Variants in LRFN2 observed in about 807,000 individuals in gnomAD.
The protein encoded by LRFN2 is leucine rich repeat and fibronectin type III domain containing 2.
A neutral mutation model predicts 37.3 loss-of-function variants in LRFN2; 18 were observed. The ratio of observed to expected loss-of-function variants is 0.48; its 90% CI spans 0.33 to 0.72. The LOEUF is 0.72. Ranked by LOEUF, LRFN2 falls within the 30% of genes least tolerant of loss-of-function variation. The pLI is 0.02. For synonymous variants in LRFN2, 556 were observed against 466.6 expected (o/e 1.19, Z -2.47); for missense variants, 1,006 against 1,060.7 (o/e 0.95, Z 0.72).
chr6:40,566,013 T>C (rs1297991452), intron 1 of LRFN2, among the ~76,000 whole-genome samples: 2 of 152,002 alleles, frequency 1.3e-5, no homozygotes, highest in East Asian at 3.9e-4. Context: ...ATCCAGAATC[T>C]ACAATGAACT....
chr6:40,446,916 A>C (rs1206036956), intron 1 of LRFN2, among the ~76,000 whole-genome samples: 1 of 145,428 alleles, frequency 6.9e-6, no homozygotes, highest in African/African-American at 2.6e-5. Context: ...TCTCCCTCAG[A>C]CTGGGGCTTC....
chr6:40,559,799 C>T lies in LRFN2; in HGVS notation c.-19+27142G>A, dbSNP rs189061339. 3.9e-4 allele frequency among the ~76,000 whole-genome samples: 60 copies of T among 152,300 alleles called. No individual in the cohort carries two copies. In the South Asian group the frequency reaches 6.2e-3, roughly 16 times the overall value. On this transcript the variant is annotated intron_variant, in intron 1 of 2. Coordinates refer to ENST00000338305, the MANE Select transcript of LRFN2 (RefSeq NM_020737.3). Reference sequence around the variant, plus strand: ...GGCATTTCATCCGCCCCCTCTGACTCCCCATCCTGGACGGGCTCCCCAGTC... The same window carrying T: ...GGCATTTCATCCGCCCCCTCTGACTTCCCATCCTGGACGGGCTCCCCAGTC...
intron 1 of LRFN2, among the ~76,000 whole-genome samples, chr6:40,508,529 T>C (rs1765604982): frequency 6.6e-6 from 1 of 152,182 alleles, no homozygotes; most frequent in Admixed American, 6.5e-5. Context: ...TCTCCAGCAG[T>C]ACAGACTCAG....
intron 2 of LRFN2, among the ~76,000 whole-genome samples, chr6:40,417,245 A>C (rs1475497025): frequency 6.6e-6 from 1 of 152,212 alleles, no homozygotes; most frequent in Non-Finnish European, 1.5e-5. Flanking sequence ...TGGTAAAAAT[A>C]TCTGGTGTTC....
At chr6:40,394,561 C>A (rs1762575628) in intron 2 of LRFN2, among the ~76,000 whole-genome samples, 1 of 152,158 alleles carries the variant, frequency 6.6e-6, no homozygotes. Flanking sequence ...AGTGGGCAAC[C>A]CCAGTGGCTG....
chr6:40,488,343 C>T lies in LRFN2; in HGVS notation c.-18-55212G>A, dbSNP rs556402764. On this transcript the variant is annotated intron_variant, in intron 1 of 2. Transcript: ENST00000338305. Reference sequence around the variant, plus strand: ...CTCTGCTGGCCACCTGCCTGGCCCCCCAACCCCCACCGCCATCCCCACCAT... The same window carrying T: ...CTCTGCTGGCCACCTGCCTGGCCCCTCAACCCCCACCGCCATCCCCACCAT... Among the ~76,000 whole-genome samples the T allele has an allele frequency of 4.6e-5, 7 of 152,060 alleles. No homozygotes were observed. In the South Asian group the frequency reaches 1.5e-3, roughly 32 times the overall value.
At chr6:40,406,579 C>G (rs111335654) in intron 2 of LRFN2, among the ~76,000 whole-genome samples, 1 of 152,194 alleles carries the variant, frequency 6.6e-6, no homozygotes, top group African/African-American at 2.4e-5. Context: ...AGCAGGCCCA[C>G]CTGGCTGTCA....
intron 1 of LRFN2, among the ~76,000 whole-genome samples, chr6:40,565,381 C>T (rs1341857179): frequency 6.6e-6 from 1 of 152,162 alleles, no homozygotes; most frequent in African/African-American, 2.4e-5. Flanking sequence ...TTGGAAAAAA[C>T]TACTTTAAAG....
chr6:40,571,685 G>C (rs983232245), intron 1 of LRFN2, among the ~76,000 whole-genome samples: 3 of 152,224 alleles, frequency 2.0e-5, no homozygotes, highest in African/African-American at 7.2e-5. Flanking sequence ...TCCGATGTTG[G>C]AGCCTCTGTG....
intron 1 of LRFN2, among the ~76,000 whole-genome samples, chr6:40,462,215 C>G (rs769280807): frequency 6.6e-6 from 1 of 152,196 alleles, no homozygotes; most frequent in East Asian, 1.9e-4. Context: ...CTTGCGCTCC[C>G]GTTCTTAACC....
chr6:40,475,113 C>T (rs1764681354), intron 1 of LRFN2, among the ~76,000 whole-genome samples: 1 of 152,138 alleles, frequency 6.6e-6, no homozygotes. Flanking sequence ...GTCAGTATGG[C>T]CCCAAAGTCT....
At chr6:40,530,003 A>G (rs914511694) in intron 1 of LRFN2, among the ~76,000 whole-genome samples, 12 of 152,254 alleles carry the variant, frequency 7.9e-5, no homozygotes, top group African/African-American at 2.9e-4. Context: ...TTCTCCAGCT[A>G]GAAGTTACAG....
intron 1 of LRFN2, among the ~76,000 whole-genome samples, chr6:40,548,238 G>A (rs773413287): frequency 5.9e-5 from 9 of 152,066 alleles, no homozygotes; most frequent in South Asian, 2.1e-4. Flanking sequence ...TCAGGAGTTC[G>A]AGACCAGCCT....
At chr6:40,540,908 C>T (rs886902879) in intron 1 of LRFN2, among the ~76,000 whole-genome samples, 2 of 152,140 alleles carry the variant, frequency 1.3e-5, no homozygotes, top group Admixed American at 6.5e-5. Context: ...GGGCCAGAAG[C>T]GGTCTATCAG....
intron 2 of LRFN2, among the ~76,000 whole-genome samples, chr6:40,422,718 G>A (rs901598427): frequency 1.3e-5 from 2 of 152,136 alleles, no homozygotes; most frequent in Non-Finnish European, 2.9e-5. Context: ...ACTCTTCCAG[G>A]CCTAACCCCA....
intron 1 of LRFN2, among the ~76,000 whole-genome samples, chr6:40,505,321 C>T (rs540925645): frequency 1.8e-4 from 28 of 152,162 alleles, no homozygotes; most frequent in Non-Finnish European, 3.2e-4. Flanking sequence ...TTTAATCATC[C>T]TCTAAATATA....
intron 1 of LRFN2, among the ~76,000 whole-genome samples, chr6:40,509,431 T>C (rs1259774310): frequency 1.3e-5 from 2 of 152,258 alleles, no homozygotes; most frequent in Admixed American, 1.3e-4. Flanking sequence ...ATGTAGTGGG[T>C]CATGCCCAGC....
At chr6:40,563,391 C>T (rs1411206050) in intron 1 of LRFN2, among the ~76,000 whole-genome samples, 3 of 152,178 alleles carry the variant, frequency 2.0e-5, no homozygotes, top group Non-Finnish European at 4.4e-5. Context: ...TGAATATTCA[C>T]TTTCTCATCA....
At chr6:40,541,922 T>C (rs1766562034) in intron 1 of LRFN2, among the ~76,000 whole-genome samples, 2 of 152,136 alleles carry the variant, frequency 1.3e-5, no homozygotes, top group South Asian at 4.1e-4. Flanking sequence ...TCAGACACCA[T>C]AGCAGCAGCA....
Sources: allele counts gnomAD v4.1 joint callset (sites outside exome capture counted in the v4.1 genomes callset), GRCh38; gene constraint gnomAD v4.1.1; transcripts MANE v1.5; gene names NCBI Gene and HGNC (gene_info 2026-07-23, HGNC 2026-07-21).